The following ALX1 variants were observed in gnomAD, a reference collection of about 807,000 sequenced individuals.
The protein encoded by ALX1 is ALX homeobox 1.
A neutral mutation model predicts 31.7 loss-of-function variants in ALX1; 19 were observed. That is an observed-to-expected ratio of 0.60 (90% CI 0.42 to 0.88). ALX1 has a LOEUF of 0.88. Among genes scored for constraint, ALX1 ranks in the 40% least tolerant of loss-of-function variants. The pLI, the probability that ALX1 is intolerant of heterozygous loss-of-function variation, is 0.00. For synonymous variants in ALX1, 153 were observed against 148.8 expected, an observed-to-expected ratio of 1.03 and a Z score of -0.20; for missense variants, 415 against 407.8, an observed-to-expected ratio of 1.02 and a Z score of -0.15.
chr12:85,280,951 A>C (rs902439470), intron 1 of ALX1, among the ~76,000 whole-genome samples: 4 of 152,154 alleles, frequency 2.6e-5, no homozygotes, highest in Non-Finnish European at 4.4e-5. Context: ...GGAAAACAAA[A>C]ACAAAAAACA....
intron 1 of ALX1, 62 bp downstream of exon 1, chr12:85,280,549 C>G (rs1226665805): frequency 6.5e-7 from 1 of 1,548,428 alleles, no homozygotes; most frequent in Non-Finnish European, 8.8e-7. Context: ...AATGCAGGAT[C>G]GGTCTGATCA....
intron 3 of ALX1, among the ~76,000 whole-genome samples, chr12:85,300,040 T>A (rs1390501371): frequency 1.3e-5 from 2 of 151,998 alleles, no homozygotes; most frequent in African/African-American, 4.8e-5. Flanking sequence ...GGCTGCATCA[T>A]AGTATTACTA....
intron 2 of ALX1, among the ~76,000 whole-genome samples, chr12:85,284,834 C>T (rs1896728158): frequency 6.6e-6 from 1 of 151,932 alleles, no homozygotes; most frequent in Non-Finnish European, 1.5e-5. Context: ...TTTTGCAATT[C>T]CCATAAACTG....
intron 2 of ALX1, among the ~76,000 whole-genome samples, chr12:85,286,024 GCCACA>G (rs1896742038): frequency 6.6e-6 from 1 of 151,858 alleles, no homozygotes; most frequent in Non-Finnish European, 1.5e-5. Context: ...GACCTTAGCT[GCCACA>G]GTAACTGATA....
chr12:85,297,163 A>G (rs909662748), intron 3 of ALX1, among the ~76,000 whole-genome samples: 1 of 151,672 alleles, frequency 6.6e-6, no homozygotes, highest in African/African-American at 2.4e-5. Flanking sequence ...TAGCTCAAAT[A>G]ATGTTGTTGT....
intron 3 of ALX1, among the ~76,000 whole-genome samples, chr12:85,297,484 G>A (rs563482250): frequency 1.6e-4 from 24 of 151,654 alleles, no homozygotes; most frequent in South Asian, 1.5e-3. Context: ...CTTATTCTAC[G>A]TCATTATAGG....
intron 1 of ALX1, among the ~76,000 whole-genome samples, chr12:85,282,755 G>A (rs1896693619): frequency 1.3e-5 from 2 of 152,254 alleles, no homozygotes; most frequent in East Asian, 1.9e-4. Context: ...AATGCCAGAT[G>A]TCATGCTCTG....
chr12:85,285,319 A>G (rs1896734787), intron 2 of ALX1, among the ~76,000 whole-genome samples: 1 of 151,972 alleles, frequency 6.6e-6, no homozygotes, highest in Non-Finnish European at 1.5e-5. Flanking sequence ...AGTGGTAACT[A>G]TTACTCATTT....
intron 1 of ALX1, among the ~76,000 whole-genome samples, chr12:85,280,924 G>A (rs900880561): frequency 1.4e-5 from 2 of 143,938 alleles, no homozygotes; most frequent in Non-Finnish European, 3.0e-5. Flanking sequence ...GTCGTCACGA[G>A]TAGGGAAAAA....
chr12:85,292,343 C>A (rs981382629), intron 3 of ALX1, among the ~76,000 whole-genome samples: 1 of 151,082 alleles, frequency 6.6e-6, no homozygotes, highest in African/African-American at 2.4e-5. Context: ...TAAATATTTT[C>A]ATCACAAATT....
chr12:85,282,939 G>C (rs771887005), intron 1 of ALX1, among the ~76,000 whole-genome samples: 4 of 151,556 alleles, frequency 2.6e-5, no homozygotes, highest in Admixed American at 6.6e-5. Context: ...CCGATAGAAA[G>C]CGTATTCAAA....
chr12:85,293,212 T>C (rs1400354496), intron 3 of ALX1, among the ~76,000 whole-genome samples: 1 of 146,900 alleles, frequency 6.8e-6, no homozygotes, highest in East Asian at 2.0e-4. Context: ...CTGATTTAAT[T>C]AAATTTATAT....
Position 85,289,623 on chromosome 12 carries a change from A to G in ALX1, c.660+2642A>G, listed in dbSNP as rs931458846. On this transcript the variant is annotated intron_variant, in intron 3 of 3. Coordinates refer to ENST00000316824, the MANE Select transcript of ALX1 (RefSeq NM_006982.3). ...ATTACTTCAACAGTGCCAATCATGA[A>G]TAATAATAAAAATTAATACCATGAA... Among the ~76,000 whole-genome samples the G allele has an allele frequency of 3.3e-5, 5 of 151,392 alleles. No homozygotes were observed. The South Asian group carries it at 8.3e-4, about 25-fold the overall frequency.
Position 85,286,926 on chromosome 12 carries a change from A to G in ALX1, c.605A>G (p.His202Arg). Residue 202 changes from histidine (H) to arginine (R), a missense_variant, in exon 3 of 4, where the codon CAT becomes CGT. Physicochemically the swap from His to Arg is conservative, Grantham distance 29. This residue lies in a region of ALX1 where 174 missense variants were observed against 177.5 expected (regional missense o/e 0.98). Transcript: ENST00000316824. ...GGCCAAATACAACAAGCGAAAAGCCATTTTGCTGCCACCTATGATATATCA... is the reference window on the plus strand; with the variant it reads ...GGCCAAATACAACAAGCGAAAAGCCGTTTTGCTGCCACCTATGATATATCA... ...RYGQIQQAKS[H>R]FAATYDISVL... 1 of 1,612,346 alleles carries G rather than the reference A, an allele frequency of 6.2e-7. No individual in the cohort carries two copies. The highest frequency in any genetic ancestry group is 1.1e-5 in the South Asian group (1 of 91,008).
intron 3 of ALX1, among the ~76,000 whole-genome samples, 194 bp downstream of exon 3, chr12:85,287,175 T>C (rs1249031419): frequency 6.6e-6 from 1 of 151,852 alleles, no homozygotes; most frequent in East Asian, 1.9e-4. Context: ...TACAGAGTCA[T>C]TCATTTAAAA....
At chr12:85,292,104 G>C (rs991323484) in intron 3 of ALX1, among the ~76,000 whole-genome samples, 1 of 150,990 alleles carries the variant, frequency 6.6e-6, no homozygotes, top group African/African-American at 2.4e-5. Context: ...ATTTCCATTA[G>C]TCATTATTAA....
chr12:85,297,585 CT>C (rs1360183974), intron 3 of ALX1, among the ~76,000 whole-genome samples: 1 of 151,502 alleles, frequency 6.6e-6, no homozygotes, highest in East Asian at 1.9e-4. Flanking sequence ...AACAGGTGAG[CT>C]TCTTATCACA....
intron 3 of ALX1, among the ~76,000 whole-genome samples, chr12:85,298,355 C>T (rs570454209): frequency 6.8e-4 from 103 of 151,730 alleles, no homozygotes; most frequent in Non-Finnish European, 1.3e-3. Context: ...TAATGCCTCA[C>T]GCATGGTAAT....
rs757462532 is a variant in ALX1, at chr12:85,280,494, C to A, written c.226+7C>A. ...CCCTGTCAGGACAGCAGCGGTGAGT[C>A]GCTAGCGCCCCAGCCGGAGCCGCCG... On this transcript the variant is annotated splice_region_variant and intron_variant, in intron 1 of 3. Coordinates refer to ENST00000316824, the MANE Select transcript of ALX1 (RefSeq NM_006982.3). The A allele has an allele frequency of 3.6e-5, 58 of 1,609,264 alleles. No homozygotes were observed. The highest frequency in any genetic ancestry group is 2.2e-4 in the Middle Eastern group (1 of 4,514).
Sources: allele counts gnomAD v4.1 joint callset (sites outside exome capture counted in the v4.1 genomes callset), GRCh38; gene constraint gnomAD v4.1.1; regional missense constraint gnomAD v4.1.1; transcripts MANE v1.5; gene names NCBI Gene and HGNC (gene_info 2026-07-23, HGNC 2026-07-21).